Variants in TOMM20L observed in about 807,000 individuals in gnomAD.
TOMM20L encodes the protein TOMM20-like protein 1.
Under a neutral mutation model 20.4 loss-of-function variants are expected in TOMM20L, and 19 were observed. That is an observed-to-expected ratio of 0.93 (90% CI 0.65 to 1.36). TOMM20L has a LOEUF of 1.36. Among genes scored for constraint, TOMM20L ranks in the 40% most tolerant of loss-of-function variants. The probability of loss-of-function intolerance (pLI) is 0.00; values close to 1 mark genes in which losing one functional copy is unlikely to be tolerated. For synonymous variants in TOMM20L, 75 were observed against 79.6 expected (o/e 0.94, Z 0.30); for missense variants, 218 against 203.7 (o/e 1.07, Z -0.43).
chr14:58,401,147 C>T (rs1041658827), intron 2 of TOMM20L, among the ~76,000 whole-genome samples: 3 of 152,194 alleles, frequency 2.0e-5, no homozygotes, highest in African/African-American at 7.2e-5. Context: ...GGGATGGGCA[C>T]AGGGGTCTTG....
rs562613846 is a variant in TOMM20L, at chr14:58,397,318, T to A, written c.180+977T>A. Among the ~76,000 whole-genome samples, 13 of 152,318 alleles carry A rather than the reference T, an allele frequency of 8.5e-5. No homozygotes were observed. In the East Asian group the frequency reaches 2.5e-3, roughly 29 times the overall value. On this transcript the variant is annotated intron_variant, in intron 2 of 4. Coordinates refer to ENST00000360945, the MANE Select transcript of TOMM20L (RefSeq NM_207377.3). ...TCTGTGTATAGAGAGAGCACGCACA[T>A]GCATGTGAACTAGAACATGTGCCCA...
chr14:58,413,414 G>A (rs1308960700), downstream of TOMM20L, among the ~76,000 whole-genome samples: 1 of 152,184 alleles, frequency 6.6e-6, no homozygotes, highest in East Asian at 1.9e-4. Flanking sequence ...CAACCCTCAT[G>A]AAGGATATTC....
chr14:58,403,787 G>A (rs994049261), intron 3 of TOMM20L, among the ~76,000 whole-genome samples: 7 of 151,566 alleles, frequency 4.6e-5, no homozygotes, highest in Admixed American at 6.6e-5. Context: ...GCAGTGAGCC[G>A]AGATCGCACG....
In TOMM20L at chr14:58,396,347, G is replaced by C. The variant is rs1469746067; in HGVS notation, c.180+6G>C. 6.2e-7 allele frequency: 1 copy of C among 1,613,120 alleles called. No individual in the cohort carries two copies. Among genetic ancestry groups the C allele is most frequent in the African/African-American group, 1.3e-5 (1 of 74,922 alleles). The stretch of plus-strand genomic sequence containing the variant: ...CTGAGGAGCAGGGCACGCAGGTGCA[G>C]TGCTTTCGATCCGCACAGGTAGCTC... On this transcript the variant is annotated splice_donor_region_variant and intron_variant, in intron 2 of 4. Coordinates refer to ENST00000360945, the MANE Select transcript of TOMM20L (RefSeq NM_207377.3).
intron 3 of TOMM20L, among the ~76,000 whole-genome samples, 167 bp from the exon 4 acceptor site, chr14:58,407,159 G>A (rs61974519): frequency 0.015 from 2,317 of 152,296 alleles, 21 homozygotes; most frequent in Non-Finnish European, 0.025. Context: ...CCACTGTGAA[G>A]CTCAACATCT....
chr14:58,396,013 C>G lies in TOMM20L; in HGVS notation c.56C>G (p.Ala19Gly), dbSNP rs2035909856. The change falls in exon 1 of 5, where the codon GCC becomes GGC. Residue 19 changes from alanine (A) to glycine (G), a missense_variant. By Grantham distance (60) the Ala-to-Gly change is moderately conservative. Coordinates refer to ENST00000360945, the MANE Select transcript of TOMM20L (RefSeq NM_207377.3). Reference sequence around the variant, plus strand: ...TTGGCCGCCGCGGCGGCCTGTGGCGCCTTCGCCTTCCTGGGCTATTGTATT... The same window carrying G: ...TTGGCCGCCGCGGCGGCCTGTGGCGGCTTCGCCTTCCTGGGCTATTGTATT... Reference protein sequence around the residue: ...RLLAAAAACGAFAFLGYCIYL... With the variant: ...RLLAAAAACGGFAFLGYCIYL... The G allele has an allele frequency of 6.9e-7, 1 of 1,453,244 alleles. No homozygotes were observed. The highest frequency in any genetic ancestry group is 1.5e-5 in the South Asian group (1 of 66,430). 90.0% of individuals were successfully genotyped at this position (1,453,244 alleles called of 1,614,324 possible). A position where few individuals can be genotyped will look rare whatever the true frequency, so the allele number is the denominator to read the frequency against.
At chr14:58,410,753 A>T, downstream of TOMM20L, 1 of 869,020 alleles carries the variant, frequency 1.2e-6, no homozygotes, top group Non-Finnish European at 1.8e-6. Flanking sequence ...AATTCCTGTA[A>T]TAAGTAGGAA....
downstream of TOMM20L, among the ~76,000 whole-genome samples, chr14:58,409,941 C>T (rs1313648296): frequency 6.6e-6 from 1 of 152,052 alleles, no homozygotes; most frequent in Non-Finnish European, 1.5e-5. Flanking sequence ...CAGTGCCTCA[C>T]TGTGGCCTCA....
At chr14:58,398,659 G>A (rs1001748255) in intron 2 of TOMM20L, 1 of 151,100 alleles carries the variant, frequency 6.6e-6, no homozygotes, top group African/African-American at 2.4e-5. Context: ...AATAATAAAT[G>A]ATTTATATTA....
chr14:58,396,057 C>G lies in TOMM20L; in HGVS notation c.100C>G (p.Arg34Gly), dbSNP rs762141525. 5.0e-6 allele frequency: 7 copies of G among 1,413,490 alleles called. No homozygotes were observed. The South Asian group carries it at 8.8e-5, about 18-fold the overall frequency. The allele number at this position is 1,413,490 out of a possible 1,614,324, so 87.6% of individuals were successfully genotyped here. A position where few individuals can be genotyped will look rare whatever the true frequency, so the allele number is the denominator to read the frequency against. Residue 34 changes from arginine (R) to glycine (G), a missense_variant, in exon 1 of 5, where the codon CGC (arginine) becomes GGC (glycine). By Grantham distance (125) the Arg-to-Gly change is moderately radical. Transcript: ENST00000360945. ...GYCIYLNRKR[R>G]GDPAFKRRLR... ...TTGTATTTACCTCAACCGGAAGCGG[C>G]GCGGGGACCCCGCGTTCAAGCGCCG...
chr14:58,398,130 A>G (rs2035949956), intron 2 of TOMM20L, among the ~76,000 whole-genome samples: 1 of 152,188 alleles, frequency 6.6e-6, no homozygotes, highest in Non-Finnish European at 1.5e-5. Context: ...ACCTTCCCTG[A>G]CTTGACTGAG....
rs1235149208 is a variant in TOMM20L at position 58,396,335 on chromosome 14, C to A, written c.174C>A (p.Gly58=). The A allele has an allele frequency of 1.2e-6, 2 of 1,608,634 alleles. No individual in the cohort carries two copies. Among genetic ancestry groups the A allele is most frequent in the South Asian group, 2.2e-5 (2 of 91,022 alleles). The change falls in exon 2 of 5, where the codon GGC becomes GGA. Residue 58 remains glycine, a synonymous_variant. Coordinates refer to ENST00000360945, the MANE Select transcript of TOMM20L (RefSeq NM_207377.3). ...RAEPQKAEEQ[G]TQLWDPTKNK... ...AGCCTCAAAAGGCTGAGGAGCAGGG[C>A]ACGCAGGTGCAGTGCTTTCGATCCG...
At chr14:58,411,058 A>AT, downstream of TOMM20L, 1 of 688,068 alleles carries the variant, frequency 1.5e-6, no homozygotes. Flanking sequence ...AATCATAGTT[A>AT]TTATGCTAAC....
chr14:58,402,792 T>C (rs7153357), intron 3 of TOMM20L, 31 bp downstream of exon 3: 1,499,058 of 1,503,264 alleles, frequency 1, 747,521 homozygotes, highest in East Asian at 1. Context: ...TTGTGAGTTA[T>C]GACAGCTTAT....
At chr14:58,413,157 C>T (rs2140318341), downstream of TOMM20L, among the ~76,000 whole-genome samples, 1 of 152,202 alleles carries the variant, frequency 6.6e-6, no homozygotes, top group Admixed American at 6.5e-5. Context: ...GAGCATTTTA[C>T]ACTTACACCA....
intron 1 of TOMM20L, 93 bp from the exon 2 acceptor site, chr14:58,396,205 G>A (rs1234128356): frequency 6.4e-7 from 1 of 1,558,564 alleles, no homozygotes; most frequent in Non-Finnish European, 8.7e-7. Flanking sequence ...CCTCTGCCGA[G>A]GGGCCCGCGG....
At chr14:58,407,132 T>C (rs1346609183) in intron 3 of TOMM20L, among the ~76,000 whole-genome samples, 194 bp from the exon 4 acceptor site, 1 of 152,214 alleles carries the variant, frequency 6.6e-6, no homozygotes, top group African/African-American at 2.4e-5. Flanking sequence ...TGGCTCAAAA[T>C]TAATATTGCC....
chr14:58,408,008 T>C (rs1004315674), intron 4 of TOMM20L, among the ~76,000 whole-genome samples: 10 of 152,348 alleles, frequency 6.6e-5, no homozygotes, highest in Non-Finnish European at 1.0e-4. Context: ...CATATTTGAC[T>C]GTCAGCTTTT....
chr14:58,411,842 T>A (rs1033622192), downstream of TOMM20L: 3 of 1,466,128 alleles, frequency 2.0e-6, no homozygotes, highest in Non-Finnish European at 2.9e-6. Flanking sequence ...CAGCCTGACA[T>A]GGTGGCATTA....
Sources: gnomAD v4.1 joint callset for allele counts (sites outside exome capture counted in the v4.1 genomes callset) on GRCh38, gnomAD v4.1.1 for gene constraint, MANE v1.5 for transcripts, NCBI Gene and HGNC (gene_info 2026-07-23, HGNC 2026-07-21) for gene names.